Variants in PPFIA2 observed in about 807,000 individuals in gnomAD.
PPFIA2 encodes the protein liprin-alpha-2.
In PPFIA2, 46 loss-of-function variants were observed where a neutral mutation model predicts 175.5. That is an observed-to-expected ratio of 0.26 (90% CI 0.21 to 0.34). PPFIA2 has a LOEUF of 0.34. Ranked by LOEUF, PPFIA2 falls within the 10% of genes least tolerant of loss-of-function variation. PPFIA2 has a pLI of 1.00. For synonymous variants in PPFIA2, 568 were observed against 511.4 expected, an observed-to-expected ratio of 1.11 and a Z score of -1.49; for missense variants, 1,179 against 1,506.1, an observed-to-expected ratio of 0.78 and a Z score of 3.60.
chr12:81,575,410 G>A (rs2073331157), intron 4 of PPFIA2, among the ~76,000 whole-genome samples: 1 of 151,712 alleles, frequency 6.6e-6, no homozygotes, highest in Admixed American at 6.6e-5. Flanking sequence ...TTTATTCAAA[G>A]TGTTTCATGA....
intron 3 of PPFIA2, among the ~76,000 whole-genome samples, chr12:81,709,166 G>A (rs1194652640): frequency 6.6e-6 from 1 of 151,976 alleles, no homozygotes; most frequent in African/African-American, 2.4e-5. Flanking sequence ...GCCTATTCCA[G>A]CCTTAGAATC....
At chr12:81,268,312 G>A (rs893340549) in intron 28 of PPFIA2, among the ~76,000 whole-genome samples, 29 of 150,776 alleles carry the variant, frequency 1.9e-4, no homozygotes, top group African/African-American at 7.1e-4. Context: ...CTAATTTTTT[G>A]TATTTTTAGT....
At chr12:81,527,754 G>A (rs1292919437) in intron 4 of PPFIA2, among the ~76,000 whole-genome samples, 1 of 152,048 alleles carries the variant, frequency 6.6e-6, no homozygotes, top group Non-Finnish European at 1.5e-5. Context: ...TGGAGTCTTT[G>A]GAAGGTAATT....
intron 4 of PPFIA2, among the ~76,000 whole-genome samples, chr12:81,645,420 A>T (rs2065925936): frequency 6.6e-6 from 1 of 152,136 alleles, no homozygotes; most frequent in Non-Finnish European, 1.5e-5. Context: ...GCATAAACCA[A>T]ATTATTTTTC....
intron 7 of PPFIA2, among the ~76,000 whole-genome samples, chr12:81,412,592 T>C (rs2044188528): frequency 1.3e-5 from 2 of 152,054 alleles, no homozygotes; most frequent in African/African-American, 4.8e-5. Flanking sequence ...ACAAGTAGTT[T>C]GAAAGGTGAT....
chr12:81,521,759 G>T (rs2063170768), intron 4 of PPFIA2, among the ~76,000 whole-genome samples: 1 of 151,216 alleles, frequency 6.6e-6, no homozygotes, highest in African/African-American at 2.4e-5. Context: ...GGCGGAGCTT[G>T]CAGTGAGCTG....
chr12:81,325,869 T>C lies in PPFIA2; in HGVS notation c.2550A>G (p.Arg850=). 6.2e-6 allele frequency: 10 copies of C among 1,607,716 alleles called. No individual in the cohort carries two copies. The highest frequency in any genetic ancestry group is 7.7e-6 in the Non-Finnish European group (9 of 1,174,698). The part of the protein sequence containing the change: ...KKEKARLGQL[R]GFMETEAAAQ... Reference sequence around the variant, plus strand: ...CTGCAGCTTCAGTCTCCATAAAGCCTCCTGTGAAGAGAAGTAACTAAGTAT... The same window carrying C: ...CTGCAGCTTCAGTCTCCATAAAGCCCCCTGTGAAGAGAAGTAACTAAGTAT... Residue 850 remains arginine, a splice_region_variant and synonymous_variant, in exon 22 of 33, where the codon CGA becomes CGG. Transcript: ENST00000549396.
rs374471080 is a variant in PPFIA2, at chr12:81,299,358, C to T, written c.2667G>A (p.Arg889=). The T allele has an allele frequency of 3.3e-5, 52 of 1,592,178 alleles. No individual in the cohort carries two copies. Among genetic ancestry groups the T allele is most frequent in the South Asian group, 5.7e-5 (5 of 87,254 alleles). Residue 889 remains arginine, a synonymous_variant, in exon 23 of 33, where the codon CGG becomes CGA. Coordinates refer to ENST00000549396, the MANE Select transcript of PPFIA2 (RefSeq NM_003625.5). ...ACTGGGCAAAAGGTAATCCCTTTCT[C>T]CGAGCTTCTTCAAGAAGTTCATGCC... ...KKKHELLEEA[R]RKGLPFAQWD...
intron 4 of PPFIA2, among the ~76,000 whole-genome samples, chr12:81,563,424 G>A (rs2070621756): frequency 6.6e-6 from 1 of 152,068 alleles, no homozygotes; most frequent in Admixed American, 6.6e-5. Flanking sequence ...GTTTCCACTT[G>A]CTTTTCAAGT....
chr12:81,645,543 A>C (rs2065942021), intron 4 of PPFIA2, among the ~76,000 whole-genome samples: 1 of 152,262 alleles, frequency 6.6e-6, no homozygotes, highest in African/African-American at 2.4e-5. Context: ...TCCCAGGCTA[A>C]AAATGAGAAA....
intron 4 of PPFIA2, among the ~76,000 whole-genome samples, chr12:81,580,999 C>A (rs1042395310): frequency 1.3e-5 from 2 of 151,588 alleles, no homozygotes; most frequent in African/African-American, 4.8e-5. Context: ...TAATGGTGAA[C>A]CTAAATTGAG....
intron 4 of PPFIA2, among the ~76,000 whole-genome samples, chr12:81,575,497 G>C (rs1019613848): frequency 6.6e-6 from 1 of 151,678 alleles, no homozygotes; most frequent in Non-Finnish European, 1.5e-5. Context: ...TATTTAACAG[G>C]TATTTATGAA....
chr12:81,278,959 G>C (rs1004225669), intron 27 of PPFIA2, among the ~76,000 whole-genome samples: 4 of 152,150 alleles, frequency 2.6e-5, no homozygotes, highest in African/African-American at 7.2e-5. Flanking sequence ...AGAGAAAAAT[G>C]GAAAGAAAAT....
At chr12:81,383,332 C>A (rs2038178757) in intron 9 of PPFIA2, among the ~76,000 whole-genome samples, 1 of 152,044 alleles carries the variant, frequency 6.6e-6, no homozygotes, top group Admixed American at 6.6e-5. Flanking sequence ...ATATAATTTT[C>A]TTTTCAGTTG....
intron 4 of PPFIA2, among the ~76,000 whole-genome samples, chr12:81,648,867 T>C (rs2066574939): frequency 6.6e-6 from 1 of 151,846 alleles, no homozygotes; most frequent in South Asian, 2.1e-4. Flanking sequence ...CAAAATACTA[T>C]GGTAATTTAA....
chr12:81,334,188 T>G (rs1329687328), intron 21 of PPFIA2, among the ~76,000 whole-genome samples: 3 of 152,214 alleles, frequency 2.0e-5, no homozygotes, highest in Non-Finnish European at 4.4e-5. Flanking sequence ...TTATGCATGA[T>G]CACAGATCTT....
At chr12:81,747,339 T>C (rs1383034873) in intron 3 of PPFIA2, among the ~76,000 whole-genome samples, 1 of 144,212 alleles carries the variant, frequency 6.9e-6, no homozygotes, top group Non-Finnish European at 1.6e-5. Context: ...TCAAGGGACA[T>C]GTGTGACTGG....
intron 4 of PPFIA2, among the ~76,000 whole-genome samples, chr12:81,565,423 T>G (rs2153401792): frequency 6.6e-6 from 1 of 152,314 alleles, no homozygotes; most frequent in East Asian, 1.9e-4. Flanking sequence ...TCCTTGTTCC[T>G]CAGCCTGCAG....
chr12:81,321,627 T>C (rs1566128136), intron 22 of PPFIA2, among the ~76,000 whole-genome samples: 1 of 152,164 alleles, frequency 6.6e-6, no homozygotes, highest in Non-Finnish European at 1.5e-5. Context: ...TGCTTTTTTT[T>C]TCCCCACTAT....
Sources: gnomAD v4.1 joint callset for allele counts (sites outside exome capture counted in the v4.1 genomes callset) on GRCh38, gnomAD v4.1.1 for gene constraint, MANE v1.5 for transcripts, NCBI Gene and HGNC (gene_info 2026-07-23, HGNC 2026-07-21) for gene names.